Variants in GLDN observed in about 807,000 individuals in gnomAD.
GLDN encodes gliomedin, also known as collomin.
A neutral mutation model predicts 56.5 loss-of-function variants in GLDN; 47 were observed. The ratio of observed to expected loss-of-function variants is 0.83; its 90% CI spans 0.66 to 1.06. GLDN has a LOEUF of 1.06. Ranked by LOEUF, GLDN falls within the 50% of genes least tolerant of loss-of-function variation. The pLI is 0.00. For synonymous variants in GLDN, 332 were observed against 278.8 expected (o/e 1.19, Z -1.90); for missense variants, 782 against 714.3 (o/e 1.09, Z -1.08).
chr15:51,385,130 C>T (rs1011807429), intron 4 of GLDN: 22 of 152,136 alleles, frequency 1.4e-4, no homozygotes, highest in African/African-American at 5.1e-4. Context: ...AGCAATGGAT[C>T]GTTCATATAG....
chr15:51,403,657 G>A (rs1308436327), intron 9 of GLDN, among the ~76,000 whole-genome samples: 1 of 152,156 alleles, frequency 6.6e-6, no homozygotes, highest in Non-Finnish European at 1.5e-5. Context: ...CAAGAAAATG[G>A]TTTTCACAGT....
At chr15:51,379,799 C>T (rs942763482) in intron 2 of GLDN, among the ~76,000 whole-genome samples, 9 of 152,094 alleles carry the variant, frequency 5.9e-5, no homozygotes, top group African/African-American at 2.2e-4. Context: ...TTTGCAGGGC[C>T]CAGTGCAAAA....
chr15:51,361,236 A>G (rs1230896302), intron 1 of GLDN, among the ~76,000 whole-genome samples: 1 of 152,218 alleles, frequency 6.6e-6, no homozygotes, highest in Non-Finnish European at 1.5e-5. Context: ...TATTTGTGTC[A>G]TACAACTCAA....
chr15:51,392,246 G>A (rs748776309), intron 4 of GLDN, among the ~76,000 whole-genome samples: 16 of 152,164 alleles, frequency 1.1e-4, no homozygotes, highest in East Asian at 5.8e-4. Flanking sequence ...GAACTGGGCC[G>A]TACAGCAGGA....
At chr15:51,377,304 C>T (rs927664400) in intron 1 of GLDN, 145 bp from the exon 2 acceptor site, 2 of 618,842 alleles carry the variant, frequency 3.2e-6, no homozygotes, top group African/African-American at 3.6e-5. Context: ...CTAGGTGGGA[C>T]ATCACTGCGT....
chr15:51,348,234 G>A (rs2037013071), intron 1 of GLDN, among the ~76,000 whole-genome samples: 1 of 152,162 alleles, frequency 6.6e-6, no homozygotes, highest in African/African-American at 2.4e-5. Flanking sequence ...GGAGGCTCCC[G>A]CTGATGGTGA....
At chr15:51,404,250 C>A (rs1384986559) in intron 9 of GLDN, 27 bp from the exon 10 acceptor site, 2 of 1,514,800 alleles carry the variant, frequency 1.3e-6, no homozygotes, top group Non-Finnish European at 1.8e-6. Flanking sequence ...TGATTCATGT[C>A]TACTTTTCTT....
intron 5 of GLDN, among the ~76,000 whole-genome samples, chr15:51,397,246 G>A (rs905086334): frequency 3.3e-5 from 5 of 152,070 alleles, no homozygotes; most frequent in African/African-American, 1.2e-4. Context: ...TGGCTGTGAG[G>A]AGGCAGCTAA....
chr15:51,383,669 G>A (rs889429661), intron 3 of GLDN, 116 bp from the exon 4 acceptor site: 96 of 939,826 alleles, frequency 1.0e-4, no homozygotes, highest in Non-Finnish European at 1.3e-4. Context: ...GGGAAAGGAT[G>A]TGGAAAAGGA....
rs761366077 is a variant in GLDN at position 51,407,428 on chromosome 15, T to G, written c.*2674T>G. 6.6e-6 allele frequency: 1 copy of G among 152,200 alleles called. No individual in the cohort carries two copies. The highest frequency in any genetic ancestry group is 1.5e-5 in the Non-Finnish European group (1 of 68,040). 9.4% of individuals were successfully genotyped at this position (152,200 alleles called of 1,614,324 possible). A position where few individuals can be genotyped will look rare whatever the true frequency, so the allele number is the denominator to read the frequency against. On this transcript the variant is annotated 3_prime_UTR_variant, in exon 10 of 10. Transcript: ENST00000335449. ...TAACCAAAGTTGCTCTAAAACACTT[T>G]CCAAATATCTGCACTTCTGATGTCA...
chr15:51,383,997 G>A lies in GLDN; in HGVS notation c.541+105G>A, dbSNP rs759613170. ...AGCAGGGGTAAGGTGTTTCATCTCT[G>A]CACAGTTTAAGGCCGGTTTAACTCT... On this transcript the variant is annotated intron_variant, in intron 4 of 9. Transcript: ENST00000335449. 1.7e-5 allele frequency: 15 copies of A among 893,768 alleles called. No individual in the cohort carries two copies. The South Asian group carries it at 2.0e-4, about 12-fold the overall frequency. The allele number at this position is 893,768 out of a possible 1,614,324, so 55.4% of individuals were successfully genotyped here.
chr15:51,382,698 C>T, intron 2 of GLDN, among the ~76,000 whole-genome samples: 1 of 150,130 alleles, frequency 6.7e-6, no homozygotes, highest in Admixed American at 6.6e-5. Context: ...TGCACTCCAG[C>T]CTGGGTGACA....
At chr15:51,410,857 T>C (rs2038457665), downstream of GLDN, among the ~76,000 whole-genome samples, 1 of 152,372 alleles carries the variant, frequency 6.6e-6, no homozygotes, top group African/African-American at 2.4e-5. Flanking sequence ...TAACCAGGTA[T>C]GATCCCAGAA....
intron 1 of GLDN, among the ~76,000 whole-genome samples, chr15:51,348,312 C>A (rs542225497): frequency 6.7e-6 from 1 of 149,596 alleles, no homozygotes; most frequent in East Asian, 2.0e-4. Flanking sequence ...CTGTTCTTTT[C>A]TTTTTTATTT....
chr15:51,402,750 A>G (rs1242870388), intron 9 of GLDN, among the ~76,000 whole-genome samples: 2 of 152,160 alleles, frequency 1.3e-5, no homozygotes, highest in African/African-American at 4.8e-5. Flanking sequence ...CGAGTTTCCT[A>G]GTGTAATATG....
rs1414474640 is a variant in GLDN at position 51,353,724 on chromosome 15, A to C, written c.363+11677A>C. Among the ~76,000 whole-genome samples, 10 of 146,704 alleles carry C rather than the reference A, an allele frequency of 6.8e-5. No homozygotes were observed. In the East Asian group the frequency reaches 2.0e-3, roughly 29 times the overall value. On this transcript the variant is annotated intron_variant, in intron 1 of 9. Coordinates refer to ENST00000335449, the MANE Select transcript of GLDN (RefSeq NM_181789.4). The stretch of plus-strand genomic sequence containing the variant: ...GTCCTCGGATTTGATTAAAAAAAAA[A>C]AAAAAAAAAACCACAGTCAATTAAA...
chr15:51,344,764 A>G (rs1375163016), intron 1 of GLDN, among the ~76,000 whole-genome samples: 1 of 152,228 alleles, frequency 6.6e-6, no homozygotes, highest in Non-Finnish European at 1.5e-5. Context: ...GATGAACCTC[A>G]ATTTAACTGA....
chr15:51,390,430 C>T (rs868676319), intron 4 of GLDN, among the ~76,000 whole-genome samples: 2 of 152,328 alleles, frequency 1.3e-5, no homozygotes, highest in Middle Eastern at 3.4e-3. Context: ...CAACCAGCAT[C>T]TTCTATGAAG....
chr15:51,353,713 T>TAAAAAAAAAAAAAA (rs1566935693), intron 1 of GLDN, among the ~76,000 whole-genome samples: 2 of 80,518 alleles, frequency 2.5e-5, no homozygotes, highest in Non-Finnish European at 4.6e-5. Flanking sequence ...TCGGATTTGA[T>TAAAAAAAAAAAAAA]TAAAAAAAAA....
Sources: allele counts gnomAD v4.1 joint callset (sites outside exome capture counted in the v4.1 genomes callset), GRCh38; gene constraint gnomAD v4.1.1; transcripts MANE v1.5; gene names NCBI Gene and HGNC (gene_info 2026-07-23, HGNC 2026-07-21).